The following ZNF280D variants were observed in gnomAD, a reference collection of about 807,000 sequenced individuals.
ZNF280D encodes the protein suppressor of hairy wing homolog 4.
Under a neutral mutation model 94.7 loss-of-function variants are expected in ZNF280D, and 39 were observed. The observed-to-expected ratio is 0.41, with a 90% confidence interval of 0.32 to 0.54. The LOEUF is 0.54. Ranked by LOEUF, ZNF280D falls within the 20% of genes least tolerant of loss-of-function variation. The pLI, the probability that ZNF280D is intolerant of heterozygous loss-of-function variation, is 0.22. For missense variants in ZNF280D, 1,090 were observed against 1,149.3 expected, an observed-to-expected ratio of 0.95 and a Z score of 0.75; for synonymous variants, 398 against 377.6, an observed-to-expected ratio of 1.05 and a Z score of -0.63.
At chr15:56,699,624 T>C (rs1402098230) in intron 6 of ZNF280D, 6 of 872,678 alleles carry the variant, frequency 6.9e-6, no homozygotes, top group Non-Finnish European at 8.2e-6. Context: ...TCTGGAGTGA[T>C]ATTGTAAATA....
chr15:56,722,502 G>A (rs2058418947), intron 1 of ZNF280D, among the ~76,000 whole-genome samples: 1 of 152,124 alleles, frequency 6.6e-6, no homozygotes, highest in Admixed American at 6.5e-5. Context: ...CAAAAAAGCA[G>A]GAACAACCCA....
At chr15:56,673,918 C>T (rs1460950618) in intron 13 of ZNF280D, among the ~76,000 whole-genome samples, 1 of 151,974 alleles carries the variant, frequency 6.6e-6, no homozygotes, top group Non-Finnish European at 1.5e-5. Context: ...CTCCTACCAC[C>T]TCCCCAATCT....
At chr15:56,728,524 G>C (rs554702276) in intron 1 of ZNF280D, among the ~76,000 whole-genome samples, 1 of 152,228 alleles carries the variant, frequency 6.6e-6, no homozygotes, top group African/African-American at 2.4e-5. Flanking sequence ...AACCATCAAA[G>C]GTTTCAAAAA....
chr15:56,653,833 C>G lies in ZNF280D; in HGVS notation c.2213+365G>C. 2.4e-6 allele frequency: 3 copies of G among 1,244,528 alleles called. No individual in the cohort carries two copies. In the South Asian group the frequency reaches 8.9e-5, roughly 37 times the overall value. The allele number at this position is 1,244,528 out of a possible 1,614,324, so 77.1% of individuals were successfully genotyped here. ...AAATGTTATTTTTAGACAGCGCAAA[C>G]TGGAGAAAAAAAAATATGTTAAGAT... On this transcript the variant is annotated intron_variant, in intron 19 of 21. Coordinates refer to ENST00000267807, the MANE Select transcript of ZNF280D (RefSeq NM_017661.4).
At chr15:56,720,494 T>C (rs1235291897) in intron 1 of ZNF280D, among the ~76,000 whole-genome samples, 1 of 152,202 alleles carries the variant, frequency 6.6e-6, no homozygotes, top group Non-Finnish European at 1.5e-5. Context: ...TTAATGTTGA[T>C]ATTTTGACCT....
intron 1 of ZNF280D, among the ~76,000 whole-genome samples, chr15:56,712,443 A>G (rs1215763825): frequency 6.6e-6 from 1 of 151,798 alleles, no homozygotes; most frequent in East Asian, 1.9e-4. Flanking sequence ...CCTGGGCAAT[A>G]TGGCAAAACC....
intron 13 of ZNF280D, among the ~76,000 whole-genome samples, chr15:56,675,390 C>A (rs1489464665): frequency 3.3e-5 from 5 of 151,702 alleles, no homozygotes; most frequent in Non-Finnish European, 7.4e-5. Context: ...TAGTGTTTCC[C>A]AAATTCTGTT....
chr15:56,667,050 T>G, intron 14 of ZNF280D, 64 bp from the exon 15 acceptor site: 1 of 1,239,048 alleles, frequency 8.1e-7, no homozygotes, highest in Non-Finnish European at 1.1e-6. Flanking sequence ...TAAAATATCA[T>G]GGTACAAAAA....
intron 19 of ZNF280D, chr15:56,645,198 T>C (rs558753836): frequency 2.8e-4 from 42 of 152,270 alleles, no homozygotes; most frequent in Admixed American, 2.6e-4. Context: ...TTCAATTACT[T>C]TGGTAGAAGA....
rs765735546 is a variant in ZNF280D, at chr15:56,666,449, C to G, written c.1940G>C (p.Ser647Thr). The change falls in exon 16 of 22, where the codon AGT becomes ACT. Residue 647 changes from serine to threonine, a missense_variant. Ser to Thr is a moderately conservative substitution (Grantham distance 58, BLOSUM62 1). Coordinates refer to ENST00000267807, the MANE Select transcript of ZNF280D (RefSeq NM_017661.4). ...ANHFPTYVHC[S>T]FCRYNTSCSK... ...ACAGCTAGTGTTGTATCTGCAAAAA[C>G]TACAGTGGACGTACGTAGGAAAGTG... 10 of 1,604,988 alleles carry G rather than the reference C, an allele frequency of 6.2e-6. No homozygotes were observed. The highest frequency in any genetic ancestry group is 8.5e-6 in the Non-Finnish European group (10 of 1,177,484).
intron 19 of ZNF280D, chr15:56,644,991 A>G (rs1257416134): frequency 6.6e-6 from 1 of 152,226 alleles, no homozygotes; most frequent in Non-Finnish European, 1.5e-5. Flanking sequence ...AATCTTAAAA[A>G]TATTTAGAAA....
chr15:56,649,952 C>T (rs1352472969), intron 19 of ZNF280D, among the ~76,000 whole-genome samples: 2 of 151,964 alleles, frequency 1.3e-5, no homozygotes, highest in Admixed American at 6.6e-5. Context: ...TGCTATTTCA[C>T]CTTGAGAATA....
At chr15:56,649,602 TCA>T (rs1210283778) in intron 19 of ZNF280D, among the ~76,000 whole-genome samples, 2 of 151,618 alleles carry the variant, frequency 1.3e-5, no homozygotes, top group Non-Finnish European at 2.9e-5. Flanking sequence ...ACTCAATAGA[TCA>T]GTTTGTTTTT....
chr15:56,733,265 T>A (rs1473825839), intron 1 of ZNF280D, among the ~76,000 whole-genome samples, 193 bp downstream of exon 1: 2 of 151,982 alleles, frequency 1.3e-5, no homozygotes, highest in Non-Finnish European at 2.9e-5. Context: ...CTCCCCCGCC[T>A]GGGCCGACGC....
intron 19 of ZNF280D, chr15:56,653,544 G>A: frequency 6.6e-7 from 1 of 1,520,000 alleles, no homozygotes; most frequent in Non-Finnish European, 8.8e-7. Flanking sequence ...ATCGAAGGGG[G>A]ACACTGTCCA....
rs201400339 is a variant in ZNF280D, at chr15:56,701,033, G to T, written c.281C>A (p.Thr94Lys). 2 of 1,613,824 alleles carry T rather than the reference G, an allele frequency of 1.2e-6. No homozygotes were observed. The highest frequency in any genetic ancestry group is 1.7e-6 in the Non-Finnish European group (2 of 1,179,764). Residue 94 changes from threonine (T) to lysine (K), a missense_variant, in exon 6 of 22, where the codon ACG becomes AAG. Physicochemically the swap from Thr to Lys is moderately conservative, Grantham distance 78. Transcript: ENST00000267807. The stretch of plus-strand genomic sequence containing the variant: ...AGGCACTGGATTTGATGTTGGATTC[G>T]TGTAGTGTTGACTTGTAGGCTTGAA... ...AAFKPTSQHY[T>K]NPTSNPVPAS...
chr15:56,667,828 T>C (rs910934257), intron 14 of ZNF280D, among the ~76,000 whole-genome samples: 1 of 152,126 alleles, frequency 6.6e-6, no homozygotes, highest in Admixed American at 6.6e-5. Flanking sequence ...CATGGGGCAA[T>C]ACCTGCCTTA....
intron 19 of ZNF280D, among the ~76,000 whole-genome samples, chr15:56,646,270 T>G (rs1162086619): frequency 1.3e-5 from 2 of 151,818 alleles, no homozygotes; most frequent in African/African-American, 4.8e-5. Flanking sequence ...CAAAAAAATT[T>G]TTAAAAAATT....
chr15:56,667,544 C>T (rs1461738788), intron 14 of ZNF280D, among the ~76,000 whole-genome samples: 1 of 152,118 alleles, frequency 6.6e-6, no homozygotes, highest in South Asian at 2.1e-4. Flanking sequence ...TTAAAGTAAA[C>T]TAATACAAAG....
Sources: allele counts gnomAD v4.1 joint callset (sites outside exome capture counted in the v4.1 genomes callset), GRCh38; gene constraint gnomAD v4.1.1; transcripts MANE v1.5; gene names NCBI Gene and HGNC (gene_info 2026-07-23, HGNC 2026-07-21).